The following PRAG1 variants were observed in gnomAD, a reference collection of about 807,000 sequenced individuals.
PRAG1 encodes PEAK1 related, kinase-activating pseudokinase 1.
In PRAG1, 110 loss-of-function variants were observed where a neutral mutation model predicts 95.6. The ratio of observed to expected loss-of-function variants is 1.15; its 90% CI spans 0.99 to 1.35. PRAG1 has a LOEUF of 1.35. Among genes scored for constraint, PRAG1 ranks in the 40% most tolerant of loss-of-function variants. PRAG1 has a pLI of 0.00. For missense variants in PRAG1, 2,554 were observed against 1,864.7 expected (o/e 1.37, Z -6.81); for synonymous variants, 1,052 against 819.4 (o/e 1.28, Z -4.85).
chr8:8,327,665 AC>A (rs2117114369), intron 5 of PRAG1, 44 bp downstream of exon 5: 1 of 1,572,118 alleles, frequency 6.4e-7, no homozygotes, highest in Non-Finnish European at 8.7e-7. Context: ...CCAAGCCAGC[AC>A]CAGCCAGTGG....
chr8:8,323,073 T>G (rs529042258), intron 5 of PRAG1, among the ~76,000 whole-genome samples: 1 of 152,248 alleles, frequency 6.6e-6, no homozygotes, highest in East Asian at 1.9e-4. Context: ...AGACACTAAA[T>G]AGACTGCAAA....
At chr8:8,383,075 A>T (rs1443209344) in intron 1 of PRAG1, among the ~76,000 whole-genome samples, 2 of 152,132 alleles carry the variant, frequency 1.3e-5, no homozygotes, top group Non-Finnish European at 2.9e-5. Flanking sequence ...TTTTCTCTCC[A>T]CTTTCCTCCC....
intron 4 of PRAG1, among the ~76,000 whole-genome samples, chr8:8,331,513 C>A (rs931498026): frequency 2.0e-5 from 3 of 152,190 alleles, no homozygotes; most frequent in Admixed American, 2.0e-4. Flanking sequence ...CATTTTGTCT[C>A]AAAGCTGCCC....
Position 8,328,278 on chromosome 8 carries a change from T to C in PRAG1, c.2504A>G (p.Gln835Arg). The change falls in exon 5 of 6, where the codon CAA becomes CGA. Residue 835 changes from glutamine to arginine, a missense_variant. Physicochemically the swap from Gln to Arg is conservative, Grantham distance 43. Transcript: ENST00000615670. The part of the protein sequence containing the change: ...ASSPDGFFWT[Q>R]GSPKPGTASP... ...TGCTGTTCCGGGCTTGGGGGAGCCTTGGGTCCAGAAGAAGCCATCCGGTGA... is the reference window on the plus strand; with the variant it reads ...TGCTGTTCCGGGCTTGGGGGAGCCTCGGGTCCAGAAGAAGCCATCCGGTGA... The C allele has an allele frequency of 4.2e-5, 68 of 1,613,760 alleles. No homozygotes were observed. The highest frequency in any genetic ancestry group is 5.6e-5 in the Non-Finnish European group (66 of 1,179,910).
In PRAG1 at chr8:8,376,614, A is replaced by C. The variant is rs776366489; in HGVS notation, c.1795T>G (p.Cys599Gly). The C allele has an allele frequency of 2.8e-5, 45 of 1,603,416 alleles. No homozygotes were observed. Among genetic ancestry groups the C allele is most frequent in the Non-Finnish European group, 3.8e-5 (45 of 1,174,098 alleles). ...CTGATAGCGACACCGTTGGTCCGGCAGGAAGGAGCGGGGTCAGCAGGACCT... is the reference window on the plus strand; with the variant it reads ...CTGATAGCGACACCGTTGGTCCGGCCGGAAGGAGCGGGGTCAGCAGGACCT... ...SQGPADPAPS[C>G]RTNGVAISDP... is the part of the protein sequence containing the mutation. The change falls in exon 3 of 6, where the codon TGC becomes GGC. Residue 599 changes from cysteine (C) to glycine (G), a missense_variant. By Grantham distance (159) the Cys-to-Gly change is radical. Transcript: ENST00000615670.
At position 8,318,026 on chromosome 8, in the gene PRAG1, T is replaced by A; in HGVS notation, c.*128A>T. 1 of 729,114 alleles carries A rather than the reference T, an allele frequency of 1.4e-6. No individual in the cohort carries two copies. Among genetic ancestry groups the A allele is most frequent in the Non-Finnish European group, 2.1e-6 (1 of 480,648 alleles). The allele number at this position is 729,114 out of a possible 1,614,324, so 45.2% of individuals were successfully genotyped here. ...GTATATGTATTTTCTATATATATAT[T>A]TATATATTTTACATCCAGGTATCCC... On this transcript the variant is annotated 3_prime_UTR_variant, in exon 6 of 6. Transcript: ENST00000615670. This position sits in a 1 kb window ranked among gnomAD's most constrained non-coding sequence, Gnocchi z 4.2.
rs573297667 is a variant in PRAG1 at position 8,367,039 on chromosome 8, C to T, written c.2162+9208G>A. On this transcript the variant is annotated intron_variant, in intron 3 of 5. Transcript: ENST00000615670. ...GAATCAGCAAATAGCCAGCACATGA[C>T]ATGTATCTGCACCCCCACCTCCCTA... 3.3e-5 allele frequency among the ~76,000 whole-genome samples: 5 copies of T among 152,182 alleles called. No homozygotes were observed. In the East Asian group the frequency reaches 9.7e-4, roughly 29 times the overall value.
At chr8:8,333,617 T>A (rs990882544) in intron 4 of PRAG1, among the ~76,000 whole-genome samples, 1 of 152,204 alleles carries the variant, frequency 6.6e-6, no homozygotes, top group Non-Finnish European at 1.5e-5. Context: ...TTGCTGGGTT[T>A]TAATAGGCAC....
intron 3 of PRAG1, among the ~76,000 whole-genome samples, chr8:8,375,940 G>A (rs1272759091): frequency 1.3e-5 from 2 of 152,080 alleles, no homozygotes; most frequent in East Asian, 3.9e-4. Flanking sequence ...GAGAACTGGG[G>A]AATAAAAAGA....
chr8:8,364,662 ATGT>A (rs72408562), intron 3 of PRAG1, among the ~76,000 whole-genome samples: 3,535 of 151,664 alleles, frequency 0.023, 132 homozygotes, highest in African/African-American at 0.081. Context: ...CAGGATTTCA[ATGT>A]TGTTTTTTTT....
rs890921778 is a variant in PRAG1 at position 8,367,402 on chromosome 8, G to A, written c.2162+8845C>T. ...GAACCCGGGAGGCAGAGGTTGCAGT[G>A]AGCTGAGGTCGTGCCACTGCACTCC... On this transcript the variant is annotated intron_variant, in intron 3 of 5. Coordinates refer to ENST00000615670, the MANE Select transcript of PRAG1 (RefSeq NM_001080826.3). 4.7e-5 allele frequency among the ~76,000 whole-genome samples: 6 copies of A among 126,930 alleles called. No individual in the cohort carries two copies. In the South Asian group the frequency reaches 9.0e-4, roughly 19 times the overall value. 83.3% of individuals were successfully genotyped at this position (126,930 alleles called of 152,430 possible).
chr8:8,344,656 T>G (rs1799276156), intron 3 of PRAG1, among the ~76,000 whole-genome samples: 1 of 152,238 alleles, frequency 6.6e-6, no homozygotes. Context: ...TTATCTGAAC[T>G]TCACTGCATG....
At chr8:8,349,667 A>C (rs1218260653) in intron 3 of PRAG1, among the ~76,000 whole-genome samples, 1 of 151,852 alleles carries the variant, frequency 6.6e-6, no homozygotes, top group East Asian at 1.9e-4. Context: ...AGCTGAAAAA[A>C]CTGATAGGGC....
chr8:8,385,836 T>C (rs1266629693), intron 1 of PRAG1, among the ~76,000 whole-genome samples: 2 of 151,996 alleles, frequency 1.3e-5, no homozygotes, highest in South Asian at 2.1e-4. Flanking sequence ...AAGGGCATCA[T>C]CTCGTTGCCT....
In PRAG1 at chr8:8,381,454, C is replaced by A. The variant is rs377419187; in HGVS notation, c.294G>T (p.Val98=). ...CGGCACTCAGGTTGGCCTCTGTCCA[C>A]ACATCAGAGGCCTCGGAGCTCATCA... ...PTMMSSEASD[V]WTEANLSAEV... The change falls in exon 2 of 6, where the codon GTG becomes GTT. Residue 98 remains valine, a synonymous_variant. Transcript: ENST00000615670. 7.0e-5 allele frequency: 113 copies of A among 1,613,636 alleles called. No homozygotes were observed. Among genetic ancestry groups the A allele is most frequent in the Non-Finnish European group, 9.5e-5 (112 of 1,179,658 alleles).
chr8:8,370,207 C>A (rs1190431969), intron 3 of PRAG1, among the ~76,000 whole-genome samples: 1 of 152,246 alleles, frequency 6.6e-6, no homozygotes, highest in African/African-American at 2.4e-5. Context: ...ATGGTCCCTG[C>A]TTACAGCATT....
chr8:8,353,440 C>T (rs953181025), intron 3 of PRAG1, among the ~76,000 whole-genome samples: 2 of 151,910 alleles, frequency 1.3e-5, no homozygotes, highest in East Asian at 1.9e-4. Context: ...AATGAAACAA[C>T]ATGCTCCCAA....
intron 3 of PRAG1, among the ~76,000 whole-genome samples, chr8:8,351,301 C>T (rs1333490634): frequency 1.3e-5 from 2 of 152,138 alleles, no homozygotes; most frequent in Non-Finnish European, 2.9e-5. Context: ...ATCATGAGAA[C>T]AGCACCAAAG....
intron 3 of PRAG1, among the ~76,000 whole-genome samples, chr8:8,375,174 A>C (rs1800340175): frequency 6.6e-6 from 1 of 151,576 alleles, no homozygotes; most frequent in Non-Finnish European, 1.5e-5. Flanking sequence ...GAGTTTCAGC[A>C]TGCTAACACA....
Sources: allele counts gnomAD v4.1 joint callset (sites outside exome capture counted in the v4.1 genomes callset), GRCh38; gene constraint gnomAD v4.1.1; non-coding constraint Gnocchi (gnomAD v3.1); transcripts MANE v1.5; gene names NCBI Gene and HGNC (gene_info 2026-07-23, HGNC 2026-07-21).